The following WWC1 variants were observed in gnomAD, a reference collection of about 807,000 sequenced individuals.
WWC1 encodes the protein WW and C2 domain containing 1.
WWC1 carries 55 observed loss-of-function variants against 138.4 expected under a neutral mutation model. That is an observed-to-expected ratio of 0.40 (90% CI 0.32 to 0.50). WWC1 has a LOEUF of 0.50. Ranked by LOEUF, WWC1 falls within the 20% of genes least tolerant of loss-of-function variation. The probability of loss-of-function intolerance (pLI) is 0.72; values close to 1 mark genes in which losing one functional copy is unlikely to be tolerated. For synonymous variants in WWC1, 524 were observed against 564.9 expected, an observed-to-expected ratio of 0.93 and a Z score of 1.03; for missense variants, 1,226 against 1,420.4, an observed-to-expected ratio of 0.86 and a Z score of 2.20.
In WWC1 at chr5:168,414,621, C is replaced by G. The variant is rs769002378; in HGVS notation, c.1184+31C>G. The G allele has an allele frequency of 5.0e-5, 76 of 1,527,618 alleles. No individual in the cohort carries two copies. The African/African-American group carries it at 9.9e-4, about 20-fold the overall frequency. 94.6% of individuals were successfully genotyped at this position (1,527,618 alleles called of 1,614,324 possible). A position where few individuals can be genotyped will look rare whatever the true frequency, so the allele number is the denominator to read the frequency against. On this transcript the variant is annotated intron_variant, in intron 9 of 22. Transcript: ENST00000265293. Reference sequence around the variant, plus strand: ...GCTGGGGCCCCAGGGTGTGTAGGACCCTTCTCTCACTGGCAGTCTGTCCTC... The same window carrying G: ...GCTGGGGCCCCAGGGTGTGTAGGACGCTTCTCTCACTGGCAGTCTGTCCTC...
At chr5:168,317,248 C>T (rs772225070) in intron 1 of WWC1, among the ~76,000 whole-genome samples, 8 of 152,128 alleles carry the variant, frequency 5.3e-5, no homozygotes, top group Non-Finnish European at 8.8e-5. Context: ...AGGTATTTGG[C>T]GTGTTGATGT....
At chr5:168,427,259 A>G (rs1464599559) in intron 11 of WWC1, among the ~76,000 whole-genome samples, 1 of 152,178 alleles carries the variant, frequency 6.6e-6, no homozygotes, top group Non-Finnish European at 1.5e-5. Flanking sequence ...GGATAGTTGT[A>G]ATGAGTTTTG....
intron 14 of WWC1, 43 bp downstream of exon 14, chr5:168,430,266 C>T: frequency 6.4e-7 from 1 of 1,552,814 alleles, no homozygotes; most frequent in East Asian, 2.3e-5. Flanking sequence ...CCCTAACCCT[C>T]TGGAGTTACC....
intron 17 of WWC1, among the ~76,000 whole-genome samples, chr5:168,453,606 C>T (rs956182071): frequency 1.3e-5 from 2 of 151,982 alleles, no homozygotes. Flanking sequence ...AGTGCAGTGG[C>T]GTGACCTCGG....
At chr5:168,401,561 C>T (rs1254711753) in intron 5 of WWC1, among the ~76,000 whole-genome samples, 1 of 152,186 alleles carries the variant, frequency 6.6e-6, no homozygotes, top group Admixed American at 6.5e-5. Context: ...CGTCTTCCCA[C>T]CCCACAAGTC....
chr5:168,459,254 C>CA (rs34453947), intron 19 of WWC1, among the ~76,000 whole-genome samples: 36,803 of 94,460 alleles, frequency 0.39, 6,719 homozygotes, highest in Middle Eastern at 0.5. Context: ...AACCCTGTCT[C>CA]AAAAAAAAAA....
At chr5:168,457,636 G>A (rs1756455460) in intron 19 of WWC1, among the ~76,000 whole-genome samples, 1 of 152,198 alleles carries the variant, frequency 6.6e-6, no homozygotes, top group African/African-American at 2.4e-5. Flanking sequence ...CAGAAATCAG[G>A]CAGGAGCAAG....
chr5:168,402,066 G>A (rs776976624), intron 5 of WWC1, among the ~76,000 whole-genome samples: 2 of 152,212 alleles, frequency 1.3e-5, no homozygotes, highest in African/African-American at 2.4e-5. Context: ...CTGCAAACCT[G>A]TTTTACCACT....
intron 5 of WWC1, among the ~76,000 whole-genome samples, chr5:168,402,299 G>A (rs903474864): frequency 3.3e-5 from 5 of 152,218 alleles, no homozygotes; most frequent in Admixed American, 2.6e-4. Context: ...TGGCAGAGAG[G>A]GTCAGGAATG....
intron 1 of WWC1, among the ~76,000 whole-genome samples, chr5:168,359,202 C>T (rs576851647): frequency 9.9e-5 from 15 of 152,106 alleles, no homozygotes; most frequent in South Asian, 2.1e-4. Flanking sequence ...ACTACAGGTA[C>T]GCGCCACCAT....
At chr5:168,378,158 G>A (rs922792072) in intron 2 of WWC1, among the ~76,000 whole-genome samples, 1 of 152,134 alleles carries the variant, frequency 6.6e-6, no homozygotes, top group East Asian at 1.9e-4. Context: ...ATTATTCTAA[G>A]CAAATTAATA....
At chr5:168,434,255 G>A (rs1183303642) in intron 15 of WWC1, among the ~76,000 whole-genome samples, 1 of 152,242 alleles carries the variant, frequency 6.6e-6, no homozygotes, top group Non-Finnish European at 1.5e-5. Context: ...ACTGTGGCTT[G>A]TCTCTGCCTG....
At chr5:168,297,692 A>G (rs1769673316) in intron 1 of WWC1, among the ~76,000 whole-genome samples, 1 of 152,000 alleles carries the variant, frequency 6.6e-6, no homozygotes, top group Non-Finnish European at 1.5e-5. Flanking sequence ...GGTCACACAG[A>G]AAATAAATGC....
chr5:168,414,452 A>T lies in WWC1; in HGVS notation c.1046A>T (p.Glu349Val), dbSNP rs750029729. ...DRLILINEKE[E>V]LLKEMRFISP... The stretch of plus-strand genomic sequence containing the variant: ...CTGATCCTTATCAACGAGAAGGAGG[A>T]GCTGCTGAAGGAGATGCGCTTCATC... The change falls in exon 9 of 23, where the codon GAG becomes GTG. Residue 349 changes from glutamate to valine, a missense_variant. Transcript: ENST00000265293. The T allele has an allele frequency of 8.9e-6, 14 of 1,578,620 alleles. No individual in the cohort carries two copies. The highest frequency in any genetic ancestry group is 6.0e-6 in the Non-Finnish European group (7 of 1,161,456).
rs990998307 is a variant in WWC1, at chr5:168,387,018, A to G, written c.433+1604A>G. ...TCTGTTTCATGCCAGACACTCTGCT[A>G]TAGTCTGAATATGCTATTTCTGTTA... On this transcript the variant is annotated intron_variant, in intron 3 of 22. Coordinates refer to ENST00000265293, the MANE Select transcript of WWC1 (RefSeq NM_015238.3). 3.9e-5 allele frequency among the ~76,000 whole-genome samples: 6 copies of G among 152,222 alleles called. No individual in the cohort carries two copies. The East Asian group carries it at 5.8e-4, about 15-fold the overall frequency.
intron 2 of WWC1, among the ~76,000 whole-genome samples, chr5:168,376,056 CTT>C (rs11325414): frequency 3.4e-5 from 5 of 147,268 alleles, no homozygotes; most frequent in East Asian, 4.0e-4. Context: ...TCATATTTGT[CTT>C]TTTTTTTTTT....
rs1389746496 is a variant in WWC1, at chr5:168,453,993, G to A, written c.2551G>A (p.Glu851Lys). 6.2e-7 allele frequency: 1 copy of A among 1,611,888 alleles called. No homozygotes were observed. Among genetic ancestry groups the A allele is most frequent in the Non-Finnish European group, 8.5e-7 (1 of 1,179,904 alleles). The change falls in exon 18 of 23, where the codon GAG (glutamate) becomes AAG (lysine). Residue 851 changes from glutamate to lysine, a missense_variant. This residue lies in a region of WWC1 where 1,016 missense variants were observed against 1,153.9 expected (regional missense o/e 0.88). Coordinates refer to ENST00000265293, the MANE Select transcript of WWC1 (RefSeq NM_015238.3). ...SWRYEETSENEAVAEEEEEEV... is the reference protein window; with the variant it reads ...SWRYEETSENKAVAEEEEEEV... ...GAGGTATGAGGAGACCAGTGAGAAT[G>A]AGGCAGTAGCCGAGGAAGAGGAGGA... is the stretch of plus-strand genomic sequence containing the variant.
rs1486447086 is a variant in WWC1 at position 168,441,845 on chromosome 5, A to AC, written c.2433+13dup. On this transcript the variant is annotated intron_variant, in intron 16 of 22. Transcript: ENST00000265293. ...GGGCCTGCCAGCACGGTGAGCTGGGACCAGGTGTGCCACCTTCCCACAAGG... is the reference window on the plus strand; with the variant it reads ...GGGCCTGCCAGCACGGTGAGCTGGGACCCAGGTGTGCCACCTTCCCACAAGG... The AC allele has an allele frequency of 3.1e-6, 5 of 1,611,648 alleles. No homozygotes were observed. In the African/African-American group the frequency reaches 6.7e-5, roughly 22 times the overall value.
At chr5:168,293,205 C>A (rs972665587) in intron 1 of WWC1, among the ~76,000 whole-genome samples, 1 of 152,216 alleles carries the variant, frequency 6.6e-6, no homozygotes, top group African/African-American at 2.4e-5. Context: ...ATGCTGCACA[C>A]ACACACATAC....
Sources: allele counts gnomAD v4.1 joint callset (sites outside exome capture counted in the v4.1 genomes callset), GRCh38; gene constraint gnomAD v4.1.1; regional missense constraint gnomAD v4.1.1; transcripts MANE v1.5; gene names NCBI Gene and HGNC (gene_info 2026-07-23, HGNC 2026-07-21).